Variants in ARHGEF4 observed in about 807,000 individuals in gnomAD.
The protein encoded by ARHGEF4 is APC-stimulated guanine nucleotide exchange factor 1.
A neutral mutation model predicts 162.0 loss-of-function variants in ARHGEF4; 119 were observed. The ratio of observed to expected loss-of-function variants is 0.73; its 90% confidence interval spans 0.63 to 0.86. The LOEUF (loss-of-function observed/expected upper bound fraction) is 0.86, where lower values mean the gene tolerates loss of function less well. Among genes scored for constraint, ARHGEF4 ranks in the 40% least tolerant of loss-of-function variants. The pLI, the probability that ARHGEF4 is intolerant of heterozygous loss-of-function variation, is 0.00. For missense variants in ARHGEF4, 2,488 were observed against 2,456.0 expected, an observed-to-expected ratio of 1.01 and a Z score of -0.28; for synonymous variants, 1,014 against 979.9, an observed-to-expected ratio of 1.03 and a Z score of -0.65.
intron 1 of ARHGEF4, among the ~76,000 whole-genome samples, chr2:130,873,715 C>G (rs1428896289): frequency 6.6e-6 from 1 of 152,038 alleles, no homozygotes; most frequent in East Asian, 1.9e-4. Flanking sequence ...ACCAAGCTGC[C>G]TTTCAGAAGC....
intron 4 of ARHGEF4, among the ~76,000 whole-genome samples, chr2:130,947,992 C>T (rs1046928404): frequency 1.2e-4 from 18 of 152,254 alleles, no homozygotes; most frequent in Non-Finnish European, 2.4e-4. Context: ...CTGTCAAATG[C>T]GTGCTTTGTC....
At chr2:130,966,942 A>C (rs1267653571) in intron 4 of ARHGEF4, among the ~76,000 whole-genome samples, 1 of 152,214 alleles carries the variant, frequency 6.6e-6, no homozygotes, top group Non-Finnish European at 1.5e-5. Context: ...GACAAAGGAC[A>C]CATGTGTTTA....
In ARHGEF4 at chr2:131,044,287, A is replaced by G. The variant is rs1326882094; in HGVS notation, c.5158-12A>G. The stretch of plus-strand genomic sequence containing the variant: ...CGGTTCAGCAGCCAGGGCTGAGGCC[A>G]GCATCTGGCAGGACCTGCTCCGCCG... On this transcript the variant is annotated splice_polypyrimidine_tract_variant and intron_variant, in intron 11 of 13. Coordinates refer to ENST00000409359, the MANE Select transcript of ARHGEF4 (RefSeq NM_001367493.1). 6.2e-7 allele frequency: 1 copy of G among 1,610,446 alleles called. No individual in the cohort carries two copies.
Position 131,046,264 on chromosome 2 carries a change from C to A in ARHGEF4, c.*75C>A. On this transcript the variant is annotated 3_prime_UTR_variant, in exon 14 of 14. Coordinates refer to ENST00000409359, the MANE Select transcript of ARHGEF4 (RefSeq NM_001367493.1). ...CAGTTTTTCTTCCCCGAGGCCCACT[C>A]GGCCTGGCCTTCCTCTGCCTGCAAG... The A allele has an allele frequency of 6.8e-7, 1 of 1,462,048 alleles. No homozygotes were observed. 90.6% of individuals were successfully genotyped at this position (1,462,048 alleles called of 1,614,324 possible). A position where few individuals can be genotyped will look rare whatever the true frequency, so the allele number is the denominator to read the frequency against.
chr2:130,937,855 G>C (rs1319663193), intron 3 of ARHGEF4, among the ~76,000 whole-genome samples: 1 of 152,036 alleles, frequency 6.6e-6, no homozygotes, highest in African/African-American at 2.4e-5. Context: ...TTTTAGTAGA[G>C]ATGGGGTTTC....
At chr2:130,981,216 T>G (rs540481120) in intron 4 of ARHGEF4, among the ~76,000 whole-genome samples, 1 of 152,308 alleles carries the variant, frequency 6.6e-6, no homozygotes, top group South Asian at 2.1e-4. Context: ...AGCCTGGGAA[T>G]TCTAGATAAA....
At chr2:130,876,536 G>C (rs55797125) in intron 1 of ARHGEF4, among the ~76,000 whole-genome samples, 3,981 of 152,156 alleles carry the variant, frequency 0.026, 105 homozygotes, top group East Asian at 0.1. Flanking sequence ...GGACTACAGG[G>C]GCCCGCCAAC....
chr2:131,037,003 C>T (rs1302363394), intron 5 of ARHGEF4, among the ~76,000 whole-genome samples: 2 of 152,164 alleles, frequency 1.3e-5, no homozygotes, highest in Non-Finnish European at 2.9e-5. Flanking sequence ...GCAGCAGCAG[C>T]TCATGATCTG....
At chr2:130,865,505 C>T (rs1210105480) in intron 1 of ARHGEF4, among the ~76,000 whole-genome samples, 2 of 152,206 alleles carry the variant, frequency 1.3e-5, no homozygotes. Flanking sequence ...GTGTCACCTC[C>T]TCCTCCTAGT....
At chr2:130,897,779 G>A (rs994247490) in intron 1 of ARHGEF4, among the ~76,000 whole-genome samples, 8 of 152,250 alleles carry the variant, frequency 5.3e-5, no homozygotes, top group African/African-American at 9.6e-5. Flanking sequence ...GCTGGGTGGC[G>A]ACTCTTCCAG....
chr2:130,985,823 TTG>T (rs1254553410), intron 4 of ARHGEF4, among the ~76,000 whole-genome samples: 1 of 151,864 alleles, frequency 6.6e-6, no homozygotes, highest in African/African-American at 2.4e-5. Context: ...TGTGTATATG[TTG>T]TGTGTGTTGT....
chr2:130,963,567 C>G (rs990632051), intron 4 of ARHGEF4: 27 of 132,154 alleles, frequency 2.0e-4, no homozygotes, highest in African/African-American at 6.3e-4. Flanking sequence ...CGCGTGCGGA[C>G]ACAGGTGGCG....
chr2:130,971,235 T>G (rs1054723999), intron 4 of ARHGEF4, among the ~76,000 whole-genome samples: 1 of 152,264 alleles, frequency 6.6e-6, no homozygotes, highest in Non-Finnish European at 1.5e-5. Context: ...TGTGTTGGTC[T>G]ATTTCTAGCT....
intron 5 of ARHGEF4, chr2:131,035,341 C>G: frequency 1.8e-6 from 2 of 1,133,332 alleles, no homozygotes; most frequent in Non-Finnish European, 1.1e-6. Flanking sequence ...GGCCTCCGCA[C>G]TGGTCGCGGA....
chr2:130,919,652 G>A (rs904323412), intron 2 of ARHGEF4, among the ~76,000 whole-genome samples: 1 of 152,160 alleles, frequency 6.6e-6, no homozygotes, highest in Non-Finnish European at 1.5e-5. Context: ...GAAGCGGGCG[G>A]ATCACCTGAG....
intron 10 of ARHGEF4, among the ~76,000 whole-genome samples, chr2:131,042,777 C>T (rs889892176): frequency 1.3e-5 from 2 of 152,226 alleles, no homozygotes; most frequent in African/African-American, 4.8e-5. Flanking sequence ...CCGCCAACCA[C>T]TCCCAGCTGG....
At chr2:130,876,201 A>G (rs1678830832) in intron 1 of ARHGEF4, among the ~76,000 whole-genome samples, 1 of 152,040 alleles carries the variant, frequency 6.6e-6, no homozygotes, top group Admixed American at 6.6e-5. Flanking sequence ...CTTGCTCTAC[A>G]GCCTCCTGGG....
intron 1 of ARHGEF4, among the ~76,000 whole-genome samples, chr2:130,867,392 T>G (rs986779532): frequency 6.6e-6 from 1 of 151,830 alleles, no homozygotes; most frequent in African/African-American, 2.4e-5. Context: ...TGCGTGCCAC[T>G]GCGCCTGGCT....
At chr2:130,927,555 C>T (rs1253062907) in intron 2 of ARHGEF4, among the ~76,000 whole-genome samples, 1 of 152,134 alleles carries the variant, frequency 6.6e-6, no homozygotes, top group Non-Finnish European at 1.5e-5. Flanking sequence ...TTGAGTAGAG[C>T]ATTTGTCTAA....
Sources: gnomAD v4.1 joint callset for allele counts (sites outside exome capture counted in the v4.1 genomes callset) on GRCh38, gnomAD v4.1.1 for gene constraint, MANE v1.5 for transcripts, NCBI Gene and HGNC (gene_info 2026-07-23, HGNC 2026-07-21) for gene names.